Variants in CUBN observed in about 807,000 individuals in gnomAD.
The protein encoded by CUBN is cubilin.
Under a neutral mutation model 405.3 loss-of-function variants are expected in CUBN, and 282 were observed. The ratio of observed to expected loss-of-function variants is 0.70; its 90% CI spans 0.63 to 0.77. The LOEUF (loss-of-function observed/expected upper bound fraction) is 0.77. CUBN is among the 30% of genes least tolerant of loss of function. CUBN has a pLI of 0.00. For missense variants in CUBN, 4,514 were observed against 4,475.2 expected, an observed-to-expected ratio of 1.01 and a Z score of -0.25; for synonymous variants, 1,684 against 1,617.0, an observed-to-expected ratio of 1.04 and a Z score of -0.99.
At position 17,126,701 on chromosome 10, in the gene CUBN, A is replaced by G; in HGVS notation, c.387+60T>C. On this transcript the variant is annotated intron_variant, in intron 4 of 66. Coordinates refer to ENST00000377833, the MANE Select transcript of CUBN (RefSeq NM_001081.4). The stretch of plus-strand genomic sequence containing the variant: ...CCTTCAAAATAAGAATAGCAGCTCT[A>G]TTAATGATTCTAGTATGTTTTCTGT... The G allele has an allele frequency of 4.6e-6, 7 of 1,533,232 alleles. No homozygotes were observed. The East Asian group carries it at 9.0e-5, about 20-fold the overall frequency. The allele number at this position is 1,533,232 out of a possible 1,614,324, so 95.0% of individuals were successfully genotyped here.
Position 17,105,469 on chromosome 10 carries a change from A to G in CUBN, c.1218T>C (p.Asn406=), listed in dbSNP as rs775785286. ...SNICLSHPCL[N]GQCIDTVSGY... is the part of the protein sequence containing the mutation. ...ACAAAGGACTCACGATGCATTGTCC[A>G]TTTAGACAGGGGTGACTTAGGCAAA... Residue 406 remains asparagine (N), a synonymous_variant, in exon 11 of 67, where the codon AAT becomes AAC. Transcript: ENST00000377833. 4 of 1,589,424 alleles carry G rather than the reference A, an allele frequency of 2.5e-6. No homozygotes were observed. The highest frequency in any genetic ancestry group is 3.5e-6 in the Non-Finnish European group (4 of 1,157,096).
intron 39 of CUBN, among the ~76,000 whole-genome samples, chr10:16,936,991 A>G (rs1842526533): frequency 6.6e-6 from 1 of 152,216 alleles, no homozygotes; most frequent in Non-Finnish European, 1.5e-5. Flanking sequence ...TGCTGGGATT[A>G]CAGGCATCAG....
rs201736312 is a variant in CUBN at position 16,901,506 on chromosome 10, A to C, written c.8063-47T>G. ...TCTCAATAAAACAGAAGTAAAAAAAAGAACCGATAATGCCAAAGTAAGTAG... is the reference window on the plus strand; with the variant it reads ...TCTCAATAAAACAGAAGTAAAAAAACGAACCGATAATGCCAAAGTAAGTAG... On this transcript the variant is annotated intron_variant, in intron 51 of 66. Transcript: ENST00000377833. The C allele has an allele frequency of 1.9e-6, 3 of 1,611,128 alleles. No individual in the cohort carries two copies. The East Asian group carries it at 6.7e-5, about 36-fold the overall frequency.
chr10:17,062,564 T>C (rs1343429191), intron 22 of CUBN, among the ~76,000 whole-genome samples: 1 of 152,260 alleles, frequency 6.6e-6, no homozygotes, highest in Non-Finnish European at 1.5e-5. Flanking sequence ...AGTTCTTTTC[T>C]TTCTGTTTTC....
chr10:17,019,457 AG>A (rs1382019721), intron 28 of CUBN, among the ~76,000 whole-genome samples: 1 of 152,024 alleles, frequency 6.6e-6, no homozygotes, highest in East Asian at 1.9e-4. Context: ...CGTCAAGGTG[AG>A]CCTTAAGTCT....
intron 22 of CUBN, among the ~76,000 whole-genome samples, chr10:17,058,696 T>C (rs1012067449): frequency 6.6e-6 from 1 of 152,078 alleles, no homozygotes; most frequent in Non-Finnish European, 1.5e-5. Context: ...GATGTTTACA[T>C]TTCTTCCCTT....
chr10:17,085,330 C>T (rs1836082134), intron 16 of CUBN, among the ~76,000 whole-genome samples: 5 of 152,020 alleles, frequency 3.3e-5, no homozygotes, highest in African/African-American at 1.2e-4. Context: ...GACCTGGTGC[C>T]CTGAATTATT....
chr10:16,854,227 C>A (rs1839804076), intron 59 of CUBN, among the ~76,000 whole-genome samples: 1 of 151,958 alleles, frequency 6.6e-6, no homozygotes, highest in Non-Finnish European at 1.5e-5. Context: ...GCTAAATGGG[C>A]AAGAATTTAC....
At chr10:16,902,883 G>T (rs2131427072) in intron 51 of CUBN, among the ~76,000 whole-genome samples, 1 of 152,190 alleles carries the variant, frequency 6.6e-6, no homozygotes, top group Admixed American at 6.5e-5. Flanking sequence ...CTCCACAGAA[G>T]GCAGGACTGG....
At chr10:16,999,903 C>G (rs1290428683) in intron 28 of CUBN, among the ~76,000 whole-genome samples, 1 of 152,180 alleles carries the variant, frequency 6.6e-6, no homozygotes, top group Non-Finnish European at 1.5e-5. Flanking sequence ...CTTCCCTCTG[C>G]AGGGAGAGGA....
At chr10:17,060,207 C>T (rs779837697) in intron 22 of CUBN, among the ~76,000 whole-genome samples, 10 of 151,966 alleles carry the variant, frequency 6.6e-5, no homozygotes, top group Admixed American at 2.6e-4. Flanking sequence ...CCGCAACCTC[C>T]GCCTCCCAGG....
Position 16,925,360 on chromosome 10 carries a change from C to A in CUBN, c.6527G>T (p.Cys2176Phe), listed in dbSNP as rs1842154565. 6.2e-7 allele frequency: 1 copy of A among 1,613,820 alleles called. No individual in the cohort carries two copies. The highest frequency in any genetic ancestry group is 8.5e-7 in the Non-Finnish European group (1 of 1,179,892). The change falls in exon 43 of 67, where the codon TGT becomes TTT. Residue 2176 changes from cysteine to phenylalanine, a missense_variant. Physicochemically the swap from Cys to Phe is radical, Grantham distance 205. Coordinates refer to ENST00000377833, the MANE Select transcript of CUBN (RefSeq NM_001081.4). ...LGPPGGNGHF[C>F]GSHASSTLFT... ...CAGAGTTGATGAAGCATGACTGCCA[C>A]AAAAATGACCATTTCCTCCAGGGGG...
chr10:16,899,261 C>T (rs1841286893), intron 53 of CUBN, 78 bp from the exon 54 acceptor site: 2 of 1,065,588 alleles, frequency 1.9e-6, no homozygotes, highest in Admixed American at 1.7e-5. Context: ...ACAGAAGGAA[C>T]ATTTCCAAAT....
chr10:16,964,685 G>T (rs908491716), intron 31 of CUBN, among the ~76,000 whole-genome samples: 1 of 152,146 alleles, frequency 6.6e-6, no homozygotes, highest in African/African-American at 2.4e-5. Context: ...ATTACATACA[G>T]ACATGAAAGG....
At chr10:16,930,650 A>G (rs1842336335) in intron 40 of CUBN, among the ~76,000 whole-genome samples, 1 of 152,194 alleles carries the variant, frequency 6.6e-6, no homozygotes, top group South Asian at 2.1e-4. Flanking sequence ...GAATGGGTAG[A>G]TGCGTGGTCT....
At chr10:17,083,154 A>T (rs1027277269) in intron 17 of CUBN, among the ~76,000 whole-genome samples, 12 of 152,204 alleles carry the variant, frequency 7.9e-5, no homozygotes, top group Non-Finnish European at 7.3e-5. Context: ...ACTTTAGAAA[A>T]CCTAAATTGA....
At chr10:16,892,184 T>C (rs939075401) in intron 54 of CUBN, among the ~76,000 whole-genome samples, 4 of 152,216 alleles carry the variant, frequency 2.6e-5, no homozygotes, top group Non-Finnish European at 4.4e-5. Flanking sequence ...ATTGTTTCAA[T>C]TGATTTTTAA....
At chr10:16,957,428 C>T (rs1006580985) in intron 31 of CUBN, among the ~76,000 whole-genome samples, 2 of 152,146 alleles carry the variant, frequency 1.3e-5, no homozygotes, top group African/African-American at 4.8e-5. Context: ...TTTTAAAAAT[C>T]CATTCATCCA....
rs535822178 is a variant in CUBN, at chr10:17,044,445, G to C, written c.3673-462C>G. ...AATTAAGCTGTGGACATGTGCAGCA[G>C]TAATAAGCGTGTGAGCTTACACTGA... is the stretch of plus-strand genomic sequence containing the variant. On this transcript the variant is annotated intron_variant, in intron 25 of 66. Transcript: ENST00000377833. Among the ~76,000 whole-genome samples the C allele has an allele frequency of 8.5e-5, 13 of 152,066 alleles. No homozygotes were observed. The East Asian group carries it at 2.1e-3, about 25-fold the overall frequency.
Sources: gnomAD v4.1 joint callset for allele counts (sites outside exome capture counted in the v4.1 genomes callset) on GRCh38, gnomAD v4.1.1 for gene constraint, MANE v1.5 for transcripts, NCBI Gene and HGNC (gene_info 2026-07-23, HGNC 2026-07-21) for gene names.